The following SYT1 variants were observed in gnomAD, a reference collection of about 807,000 sequenced individuals.
The protein encoded by SYT1 is synaptotagmin-1.
In SYT1, 8 loss-of-function variants were observed where a neutral mutation model predicts 44.8. That is an observed-to-expected ratio of 0.18 (90% CI 0.10 to 0.32). SYT1 has a LOEUF of 0.32. Among genes scored for constraint, SYT1 ranks in the 10% least tolerant of loss-of-function variants. The pLI, the probability that SYT1 is intolerant of heterozygous loss-of-function variation, is 1.00. For synonymous variants in SYT1, 154 were observed against 188.8 expected (o/e 0.82, Z 1.51); for missense variants, 286 against 509.3 (o/e 0.56, Z 4.22).
intron 9 of SYT1, among the ~76,000 whole-genome samples, chr12:79,416,602 A>C (rs970435349): frequency 6.6e-6 from 1 of 152,130 alleles, no homozygotes; most frequent in Non-Finnish European, 1.5e-5. Flanking sequence ...CTTTTAAAAA[A>C]CTCAGCTAAT....
At chr12:79,009,300 T>TTTTG (rs140072117) in intron 2 of SYT1, among the ~76,000 whole-genome samples, 4 of 152,080 alleles carry the variant, frequency 2.6e-5, no homozygotes, top group Non-Finnish European at 4.4e-5. Flanking sequence ...GCCCTCTGGT[T>TTTTG]TTTGTTTGTT....
chr12:79,223,700 C>T (rs71463812), intron 4 of SYT1, among the ~76,000 whole-genome samples: 7,370 of 152,200 alleles, frequency 0.048, 280 homozygotes, highest in Middle Eastern at 0.12. Flanking sequence ...AACCCAGTGG[C>T]GATACATACC....
intron 1 of SYT1, among the ~76,000 whole-genome samples, chr12:78,881,555 A>G (rs1874456650): frequency 6.6e-6 from 1 of 151,728 alleles, no homozygotes; most frequent in Non-Finnish European, 1.5e-5. Context: ...TTTAGCCTTG[A>G]TGGGGGAAAA....
chr12:79,132,308 G>T (rs545710435), intron 3 of SYT1, among the ~76,000 whole-genome samples: 1 of 151,950 alleles, frequency 6.6e-6, no homozygotes, highest in Admixed American at 6.6e-5. Context: ...AATTAGCCTG[G>T]TATGGTGGCA....
chr12:78,950,815 G>T (rs1878927009), intron 1 of SYT1, among the ~76,000 whole-genome samples: 1 of 151,994 alleles, frequency 6.6e-6, no homozygotes, highest in African/African-American at 2.4e-5. Context: ...CACAAAAATT[G>T]TGCTGTTCTG....
In SYT1 at chr12:79,169,019, A is replaced by G. The variant is rs73357436; in HGVS notation, c.-17-48484A>G. ...AATGCTTTTGTGAATGAGAAATTAA[A>G]TGGGTTTTCAACAATGTAGATAGTT... On this transcript the variant is annotated intron_variant, in intron 3 of 10. Coordinates refer to ENST00000261205, the MANE Select transcript of SYT1 (RefSeq NM_005639.3). 4.9e-3 allele frequency among the ~76,000 whole-genome samples: 748 copies of G among 152,148 alleles called. 5 individuals carry two copies. Among genetic ancestry groups the G allele is most frequent in the African/African-American group, 0.017 (715 of 41,532 alleles).
At chr12:78,925,775 C>T (rs1447256766) in intron 1 of SYT1, among the ~76,000 whole-genome samples, 1 of 151,938 alleles carries the variant, frequency 6.6e-6, no homozygotes, top group Non-Finnish European at 1.5e-5. Context: ...TACACACTCA[C>T]TAAGTACTTC....
intron 4 of SYT1, among the ~76,000 whole-genome samples, chr12:79,277,037 G>A (rs192660780): frequency 4.2e-4 from 64 of 151,846 alleles, no homozygotes; most frequent in Middle Eastern, 3.4e-3. Flanking sequence ...AGGAGAAGGG[G>A]ACAACAATAA....
rs1877173071 is a variant in SYT1, at chr12:78,924,229, C to T, written c.-216-53570C>T. 2.0e-5 allele frequency among the ~76,000 whole-genome samples: 3 copies of T among 151,984 alleles called. No homozygotes were observed. The South Asian group carries it at 6.2e-4, about 32-fold the overall frequency. On this transcript the variant is annotated intron_variant, in intron 1 of 10. Coordinates refer to ENST00000261205, the MANE Select transcript of SYT1 (RefSeq NM_005639.3). ...ATTATGGTGATGTTAACTTCAATCA[C>T]TTTATTATCGGGTTAAGGTGCTGTC...
At chr12:79,391,758 GAATA>G (rs1884665960) in intron 9 of SYT1, among the ~76,000 whole-genome samples, 1 of 152,146 alleles carries the variant, frequency 6.6e-6, no homozygotes, top group African/African-American at 2.4e-5. Context: ...CCAGAGAAAG[GAATA>G]AATAGATTTA....
At chr12:78,894,330 G>GTTTTTTTATTTTTT (rs1875227370) in intron 1 of SYT1, among the ~76,000 whole-genome samples, 1 of 27,710 alleles carries the variant, frequency 3.6e-5, no homozygotes, top group Non-Finnish European at 6.6e-5. Flanking sequence ...TTTTTAATCT[G>GTTTTTTTATTTTTT]TTTTTTTTTT....
intron 4 of SYT1, among the ~76,000 whole-genome samples, chr12:79,281,576 T>C (rs1879055368): frequency 6.6e-6 from 1 of 152,156 alleles, no homozygotes; most frequent in African/African-American, 2.4e-5. Context: ...TTGGATACAA[T>C]GTACACCATT....
chr12:79,057,660 A>T (rs1875064043), intron 3 of SYT1, among the ~76,000 whole-genome samples: 1 of 151,950 alleles, frequency 6.6e-6, no homozygotes. Context: ...AATTTTGCAC[A>T]AGGTAAAAAT....
chr12:79,262,871 ACAAAACAAATAGG>A (rs1877906531), intron 4 of SYT1, among the ~76,000 whole-genome samples: 1 of 152,168 alleles, frequency 6.6e-6, no homozygotes, highest in African/African-American at 2.4e-5. Flanking sequence ...TGATTTCCCT[ACAAAACAAATAGG>A]CAAAAAAGCA....
At chr12:78,969,955 A>C (rs2137383124) in intron 1 of SYT1, among the ~76,000 whole-genome samples, 1 of 152,256 alleles carries the variant, frequency 6.6e-6, no homozygotes, top group Non-Finnish European at 1.5e-5. Context: ...TAATAATGGG[A>C]ATGATTATGT....
At chr12:79,283,618 C>T (rs990150720) in intron 4 of SYT1, among the ~76,000 whole-genome samples, 1 of 152,150 alleles carries the variant, frequency 6.6e-6, no homozygotes. Flanking sequence ...GCAATGAATA[C>T]ATACACTCTC....
At chr12:79,372,323 AT>A (rs1310456664) in intron 9 of SYT1, among the ~76,000 whole-genome samples, 2 of 152,238 alleles carry the variant, frequency 1.3e-5, no homozygotes, top group African/African-American at 4.8e-5. Context: ...AGTAAAGTGA[AT>A]TAAATTCAAT....
intron 1 of SYT1, among the ~76,000 whole-genome samples, chr12:78,954,806 T>C (rs1879130235): frequency 6.6e-6 from 1 of 152,160 alleles, no homozygotes; most frequent in African/African-American, 2.4e-5. Flanking sequence ...AAAATGTACT[T>C]AAACAAATGC....
At chr12:79,073,470 A>G (rs1453466282) in intron 3 of SYT1, among the ~76,000 whole-genome samples, 1 of 152,112 alleles carries the variant, frequency 6.6e-6, no homozygotes, top group South Asian at 2.1e-4. Context: ...TGTTGTGAGG[A>G]GTGGGGAATC....
Sources: allele counts gnomAD v4.1 joint callset (sites outside exome capture counted in the v4.1 genomes callset), GRCh38; gene constraint gnomAD v4.1.1; transcripts MANE v1.5; gene names NCBI Gene and HGNC (gene_info 2026-07-23, HGNC 2026-07-21).